Variants in PLPPR2 observed in about 807,000 individuals in gnomAD.
The protein encoded by PLPPR2 is phospholipid phosphatase related 2, also known as phospholipid phosphatase-related protein type 2.
In PLPPR2, 11 loss-of-function variants were observed where a neutral mutation model predicts 40.3. The observed-to-expected ratio is 0.27, with a 90% CI of 0.17 to 0.45. The LOEUF (loss-of-function observed/expected upper bound fraction) is 0.45, where lower values mean the gene tolerates loss of function less well. PLPPR2 is among the 20% of genes least tolerant of loss of function. The probability of loss-of-function intolerance (pLI) is 1.00; values close to 1 mark genes in which losing one functional copy is unlikely to be tolerated. For missense variants in PLPPR2, 497 were observed against 640.7 expected (o/e 0.78, Z 2.42); for synonymous variants, 260 against 290.8 (o/e 0.89, Z 1.08).
chr19:11,364,517 C>A lies in PLPPR2; in HGVS notation c.1186C>A (p.Pro396Thr). 6 of 1,531,546 alleles carry A rather than the reference C, an allele frequency of 3.9e-6. No individual in the cohort carries two copies. The highest frequency in any genetic ancestry group is 5.2e-6 in the Non-Finnish European group (6 of 1,143,742). The allele number at this position is 1,531,546 out of a possible 1,614,324, so 94.9% of individuals were successfully genotyped here. ...PAPTPSQGPSPSSPGPGGPGG... is the reference protein window; with the variant it reads ...PAPTPSQGPSTSSPGPGGPGG... ...GCCCACCCCCAGCCAGGGCCCCTCG[C>A]CTTCCTCCCCTGGACCTGGGGGGCC... Residue 396 changes from proline (P) to threonine (T), a missense_variant, in exon 10 of 10, where the codon CCT becomes ACT. Coordinates refer to ENST00000688289, the MANE Select transcript of PLPPR2 (RefSeq NM_001393892.1). The surrounding 1 kb of genome is among the most constrained non-coding windows in gnomAD (Gnocchi z 5.8).
chr19:11,362,508 C>T lies in PLPPR2; in HGVS notation c.664-5C>T, dbSNP rs751149752. ...TATCCCCCTGACCAGTCCGGCTCCC[C>T]GCAGATGTACGTGACTCTCGTGTTC... On this transcript the variant is annotated splice_polypyrimidine_tract_variant and splice_region_variant and intron_variant, in intron 6 of 9. Transcript: ENST00000688289. This position sits in a 1 kb window ranked among gnomAD's most constrained non-coding sequence, Gnocchi z 5.3. The T allele has an allele frequency of 9.9e-6, 16 of 1,609,124 alleles. No individual in the cohort carries two copies. Among genetic ancestry groups the T allele is most frequent in the African/African-American group, 1.3e-5 (1 of 75,064 alleles).
chr19:11,359,633 C>T lies in PLPPR2; in HGVS notation c.168C>T (p.Tyr56=), dbSNP rs372888141. The T allele has an allele frequency of 1.4e-4, 219 of 1,613,202 alleles. No homozygotes were observed. The highest frequency in any genetic ancestry group is 4.4e-4 in the South Asian group (40 of 90,886). ...TQGFFCYDST[Y]AKPYPGPEAA... ...GATTCTTCTGCTATGACAGTACCTACGCCAAGCCCTACCCAGGGCCTGAGG... is the reference window on the plus strand; with the variant it reads ...GATTCTTCTGCTATGACAGTACCTATGCCAAGCCCTACCCAGGGCCTGAGG... Residue 56 remains tyrosine, a synonymous_variant, in exon 4 of 10, where the codon TAC becomes TAT. Transcript: ENST00000688289. This position sits in a 1 kb window ranked among gnomAD's most constrained non-coding sequence, Gnocchi z 5.6.
rs1005369962 is a variant in PLPPR2, at chr19:11,364,743, CGT to C, written c.*61_*62del. ...CAGTCCCCACTTCTTCCCTGCCACG[CGT>C]GTGTGTGCGTGTGCCACGTGAGTGC... is the stretch of plus-strand genomic sequence containing the variant. On this transcript the variant is annotated 3_prime_UTR_variant, in exon 10 of 10. Transcript: ENST00000688289. This position sits in a 1 kb window ranked among gnomAD's most constrained non-coding sequence, Gnocchi z 5.8. The C allele has an allele frequency of 7.5e-5, 115 of 1,526,816 alleles. No individual in the cohort carries two copies. Among genetic ancestry groups the C allele is most frequent in the Middle Eastern group, 3.4e-4 (2 of 5,954 alleles). 94.6% of individuals were successfully genotyped at this position (1,526,816 alleles called of 1,614,324 possible). A position where few individuals can be genotyped will look rare whatever the true frequency, so the allele number is the denominator to read the frequency against.
Position 11,364,103 on chromosome 19 carries a change from C to T in PLPPR2, c.964-58C>T. 5.8e-6 allele frequency: 9 copies of T among 1,555,736 alleles called. No homozygotes were observed. The highest frequency in any genetic ancestry group is 7.8e-6 in the Non-Finnish European group (9 of 1,147,954). ...TCTTCACCTGATGAGCTCCTTGTGGCTGTGGCCGGTAGGGCCCAGGGGGCC... is the reference window on the plus strand; with the variant it reads ...TCTTCACCTGATGAGCTCCTTGTGGTTGTGGCCGGTAGGGCCCAGGGGGCC... On this transcript the variant is annotated intron_variant, in intron 8 of 9. Coordinates refer to ENST00000688289, the MANE Select transcript of PLPPR2 (RefSeq NM_001393892.1). This position sits in a 1 kb window ranked among gnomAD's most constrained non-coding sequence, Gnocchi z 5.8.
rs769029195 is a variant in PLPPR2, at chr19:11,361,435, G to T, written c.610G>T (p.Ala204Ser). The change falls in exon 6 of 10, where the codon GCC (alanine) becomes TCC (serine). Residue 204 changes from alanine to serine, a missense_variant. Physicochemically the swap from Ala to Ser is moderately conservative, Grantham distance 99. Transcript: ENST00000688289. This position sits in a 1 kb window ranked among gnomAD's most constrained non-coding sequence, Gnocchi z 6.3. ...SPSLVAAARR[A>S]FPCKDAALCA... ...CAGCCTCGTGGCCGCCGCGCGCCGC[G>T]CCTTCCCCTGCAAGGATGCGGCCCT... The T allele has an allele frequency of 1.2e-6, 2 of 1,605,320 alleles. No homozygotes were observed. Among genetic ancestry groups the T allele is most frequent in the South Asian group, 2.2e-5 (2 of 90,982 alleles).
In PLPPR2 at chr19:11,358,029, CTGTGTGTGTGTG is replaced by C. The variant is rs751126799; in HGVS notation, c.66+312_66+323del. ...GAGTCCCAACTCATAGGGCTGTTCT[CTGTGTGTGTGTG>C]TGTGTGTGTGTGTGTGTGTGTACGT... On this transcript the variant is annotated intron_variant, in intron 3 of 9. Transcript: ENST00000688289. 6.0e-4 allele frequency among the ~76,000 whole-genome samples: 89 copies of C among 149,542 alleles called. 1 individual carries two copies. Among genetic ancestry groups the C allele is most frequent in the Admixed American group, 1.3e-3 (19 of 15,010 alleles).
intron 2 of PLPPR2, 73 bp from the exon 3 acceptor site, chr19:11,357,587 C>T: frequency 8.7e-7 from 1 of 1,153,598 alleles, no homozygotes; most frequent in Admixed American, 2.6e-5. Context: ...GGGGATGAAG[C>T]CAGGGTCCCG....
chr19:11,364,257 T>C lies in PLPPR2; in HGVS notation c.1015+45T>C, dbSNP rs765385067. On this transcript the variant is annotated intron_variant, in intron 9 of 9. Coordinates refer to ENST00000688289, the MANE Select transcript of PLPPR2 (RefSeq NM_001393892.1). The surrounding 1 kb of genome is among the most constrained non-coding windows in gnomAD (Gnocchi z 5.8). The stretch of plus-strand genomic sequence containing the variant: ...GGGGCTAAACAGGGGGACTTCCAGG[T>C]GGGCAGCCACTGCCCCAGAGGTCTC... 1.6e-5 allele frequency: 25 copies of C among 1,586,522 alleles called. 2 individuals are homozygous for C. The South Asian group carries it at 2.7e-4, about 17-fold the overall frequency.
At chr19:11,356,651 C>T (rs969175622) in intron 1 of PLPPR2, among the ~76,000 whole-genome samples, 151 bp from the exon 2 acceptor site, 9 of 136,208 alleles carry the variant, frequency 6.6e-5, no homozygotes, top group African/African-American at 8.6e-5. Flanking sequence ...GATGGGTGAA[C>T]GCTATGCCAT....
In PLPPR2 at chr19:11,362,490, CT is replaced by C. The variant is rs1180131000; in HGVS notation, c.664-22del. 2 of 1,607,296 alleles carry C rather than the reference CT, an allele frequency of 1.2e-6. No individual in the cohort carries two copies. Among genetic ancestry groups the C allele is most frequent in the Non-Finnish European group, 1.7e-6 (2 of 1,179,918 alleles). On this transcript the variant is annotated intron_variant, in intron 6 of 9. Coordinates refer to ENST00000688289, the MANE Select transcript of PLPPR2 (RefSeq NM_001393892.1). The surrounding 1 kb of genome is among the most constrained non-coding windows in gnomAD (Gnocchi z 5.3). ...TCGGCGACTTGCCTCCGCTATCCCCCTGACCAGTCCGGCTCCCCGCAGATGT... is the reference window on the plus strand; with the variant it reads ...TCGGCGACTTGCCTCCGCTATCCCCCGACCAGTCCGGCTCCCCGCAGATGT...
Position 11,359,010 on chromosome 19 carries a change from A to AT in PLPPR2, c.67-514dup, listed in dbSNP as rs1055294448. On this transcript the variant is annotated intron_variant, in intron 3 of 9. Coordinates refer to ENST00000688289, the MANE Select transcript of PLPPR2 (RefSeq NM_001393892.1). The surrounding 1 kb of genome is among the most constrained non-coding windows in gnomAD (Gnocchi z 5.6). ...GATTACAAGCATGAGCCACGTTTTAATTTTTTTTCTTTCTTTTTGTCTTTC... is the reference window on the plus strand; with the variant it reads ...GATTACAAGCATGAGCCACGTTTTAATTTTTTTTTCTTTCTTTTTGTCTTTC... Among the ~76,000 whole-genome samples, 4 of 147,924 alleles carry AT rather than the reference A, an allele frequency of 2.7e-5. No individual in the cohort carries two copies. The highest frequency in any genetic ancestry group is 6.8e-5 in the Admixed American group (1 of 14,722).
rs1967982997 is a variant in PLPPR2 at position 11,359,436 on chromosome 19, T to C, written c.67-96T>C. 1 of 1,159,160 alleles carries C rather than the reference T, an allele frequency of 8.6e-7. No homozygotes were observed. Among genetic ancestry groups the C allele is most frequent in the Admixed American group, 3.1e-5 (1 of 32,024 alleles). 71.8% of individuals were successfully genotyped at this position (1,159,160 alleles called of 1,614,324 possible). On this transcript the variant is annotated intron_variant, in intron 3 of 9. Coordinates refer to ENST00000688289, the MANE Select transcript of PLPPR2 (RefSeq NM_001393892.1). The surrounding 1 kb of genome is among the most constrained non-coding windows in gnomAD (Gnocchi z 5.6). The stretch of plus-strand genomic sequence containing the variant: ...CTAGTTTCTGTCTCTAACCCATGTT[T>C]CTCCATCTCTGTATCTCTGCCTCTG...
At chr19:11,360,148 T>A (rs942724480) in intron 5 of PLPPR2, among the ~76,000 whole-genome samples, 192 bp downstream of exon 5, 1 of 152,092 alleles carries the variant, frequency 6.6e-6, no homozygotes, top group African/African-American at 2.4e-5. Flanking sequence ...CTGGCCAACA[T>A]GGCGAAACCC....
At position 11,361,512 on chromosome 19, in the gene PLPPR2, C is replaced by G. The variant is rs372561787; in HGVS notation, c.663+24C>G. 3 of 1,575,966 alleles carry G rather than the reference C, an allele frequency of 1.9e-6. No individual in the cohort carries two copies. In the Admixed American group the frequency reaches 5.1e-5, roughly 27 times the overall value. The stretch of plus-strand genomic sequence containing the variant: ...CGGTGAGCTTCGGGAGCTTCGGGGT[C>G]GGAAATGGGTGTGCAGGCTGGACAG... On this transcript the variant is annotated intron_variant, in intron 6 of 9. Coordinates refer to ENST00000688289, the MANE Select transcript of PLPPR2 (RefSeq NM_001393892.1). The surrounding 1 kb of genome is among the most constrained non-coding windows in gnomAD (Gnocchi z 6.3).
In PLPPR2 at chr19:11,361,781, T is replaced by A. The variant is rs1968053186; in HGVS notation, c.663+293T>A. 6.6e-6 allele frequency among the ~76,000 whole-genome samples: 1 copy of A among 151,566 alleles called. No individual in the cohort carries two copies. The highest frequency in any genetic ancestry group is 1.5e-5 in the Non-Finnish European group (1 of 67,920). On this transcript the variant is annotated intron_variant, in intron 6 of 9. Transcript: ENST00000688289. The surrounding 1 kb of genome is among the most constrained non-coding windows in gnomAD (Gnocchi z 6.3). ...GCTCTACCCTATGGCATCAGGACAGTCCCTGATGTGCAAGACTCGGAACCC... is the reference window on the plus strand; with the variant it reads ...GCTCTACCCTATGGCATCAGGACAGACCCTGATGTGCAAGACTCGGAACCC...
rs1968102411 is a variant in PLPPR2 at position 11,363,295 on chromosome 19, A to G, written c.841-418A>G. Among the ~76,000 whole-genome samples the G allele has an allele frequency of 1.3e-5, 2 of 151,496 alleles. No homozygotes were observed. The highest frequency in any genetic ancestry group is 2.4e-5 in the African/African-American group (1 of 41,218). ...AAGTCTGTCTCAAAAAAAAAAAAAA[A>G]AAAAATTAGCTGGGAATGGTGGTGC... On this transcript the variant is annotated intron_variant, in intron 7 of 9. Transcript: ENST00000688289. This position sits in a 1 kb window ranked among gnomAD's most constrained non-coding sequence, Gnocchi z 4.8.
rs1263091792 is a variant in PLPPR2 at position 11,356,856 on chromosome 19, G to C, written c.-135G>C. 6.5e-6 allele frequency: 1 copy of C among 153,100 alleles called. No individual in the cohort carries two copies. Among genetic ancestry groups the C allele is most frequent in the Non-Finnish European group, 1.5e-5 (1 of 68,384 alleles). 9.5% of individuals were successfully genotyped at this position (153,100 alleles called of 1,614,324 possible). A position where few individuals can be genotyped will look rare whatever the true frequency, so the allele number is the denominator to read the frequency against. On this transcript the variant is annotated 5_prime_UTR_variant, in exon 2 of 10. Coordinates refer to ENST00000688289, the MANE Select transcript of PLPPR2 (RefSeq NM_001393892.1). ...CAGAGTGCCTACCCTCGCCTGCCTGGGCCTCAGTTTCCACATCTGCACAAT... is the reference window on the plus strand; with the variant it reads ...CAGAGTGCCTACCCTCGCCTGCCTGCGCCTCAGTTTCCACATCTGCACAAT...
rs1968054694 is a variant in PLPPR2 at position 11,361,813 on chromosome 19, C to T, written c.663+325C>T. 1.3e-5 allele frequency among the ~76,000 whole-genome samples: 2 copies of T among 152,126 alleles called. No homozygotes were observed. The highest frequency in any genetic ancestry group is 2.9e-5 in the Non-Finnish European group (2 of 68,000). ...TGTGCAAGACTCGGAACCCCTATAG[C>T]CTAGCCAGGCCCCCAGGATGCTACA... On this transcript the variant is annotated intron_variant, in intron 6 of 9. Coordinates refer to ENST00000688289, the MANE Select transcript of PLPPR2 (RefSeq NM_001393892.1). The surrounding 1 kb of genome is among the most constrained non-coding windows in gnomAD (Gnocchi z 6.3).
Position 11,362,189 on chromosome 19 carries a change from G to A in PLPPR2, c.664-324G>A, listed in dbSNP as rs1968065809. Among the ~76,000 whole-genome samples the A allele has an allele frequency of 6.6e-6, 1 of 152,128 alleles. No homozygotes were observed. The highest frequency in any genetic ancestry group is 1.5e-5 in the Non-Finnish European group (1 of 68,026). On this transcript the variant is annotated intron_variant, in intron 6 of 9. Transcript: ENST00000688289. The surrounding 1 kb of genome is among the most constrained non-coding windows in gnomAD (Gnocchi z 5.3). ...CTGTGGCCACGCCCTAATCCAGTAA[G>A]TGTCTGTCCCCATCTGCGACTCCGG...
Sources: allele counts gnomAD v4.1 joint callset (sites outside exome capture counted in the v4.1 genomes callset), GRCh38; gene constraint gnomAD v4.1.1; non-coding constraint Gnocchi (gnomAD v3.1); transcripts MANE v1.5; gene names NCBI Gene and HGNC (gene_info 2026-07-23, HGNC 2026-07-21).